Variants in RABGAP1L observed in about 807,000 individuals in gnomAD.
RABGAP1L encodes the protein rab GTPase-activating protein 1-like.
Under a neutral mutation model 137.7 loss-of-function variants are expected in RABGAP1L, and 63 were observed. The observed-to-expected ratio is 0.46, with a 90% CI of 0.37 to 0.56. RABGAP1L has a LOEUF of 0.56. Among genes scored for constraint, RABGAP1L ranks in the 20% least tolerant of loss-of-function variants. RABGAP1L has a pLI of 0.00. For synonymous variants in RABGAP1L, 431 were observed against 433.7 expected (o/e 0.99, Z 0.08); for missense variants, 1,095 against 1,244.0 (o/e 0.88, Z 1.80).
chr1:174,302,773 T>C (rs1462770190), intron 10 of RABGAP1L, among the ~76,000 whole-genome samples: 1 of 152,196 alleles, frequency 6.6e-6, no homozygotes, highest in Non-Finnish European at 1.5e-5. Flanking sequence ...CCTCCAAATA[T>C]CTTCTTTGCT....
intron 18 of RABGAP1L, among the ~76,000 whole-genome samples, chr1:174,765,923 C>A (rs190739311): frequency 6.6e-6 from 1 of 152,052 alleles, no homozygotes; most frequent in Non-Finnish European, 1.5e-5. Context: ...ATGGCTGAAT[C>A]GTGTTTCCCC....
intron 19 of RABGAP1L, 97 bp from the exon 20 acceptor site, chr1:174,957,360 T>A: frequency 1.1e-6 from 1 of 921,390 alleles, no homozygotes. Context: ...TTGAGCATGT[T>A]CCCTTAGAAT....
chr1:174,839,028 C>CGTGTGTGTGTGTGTGTGTGT (rs71726767), intron 19 of RABGAP1L, among the ~76,000 whole-genome samples: 9 of 130,104 alleles, frequency 6.9e-5, no homozygotes, highest in African/African-American at 1.7e-4. Context: ...AACTTTTTTA[C>CGTGTGTGTGTGTGTGTGTGT]GTGTGTGTGT....
At chr1:174,279,651 A>G (rs35283729) in intron 10 of RABGAP1L, among the ~76,000 whole-genome samples, 9,326 of 152,210 alleles carry the variant, frequency 0.061, 404 homozygotes, top group Admixed American at 0.094. Flanking sequence ...TTTTAAAAAA[A>G]TCTTTCATAA....
intron 13 of RABGAP1L, among the ~76,000 whole-genome samples, chr1:174,558,676 C>T (rs1477100494): frequency 6.6e-6 from 1 of 152,184 alleles, no homozygotes; most frequent in African/African-American, 2.4e-5. Flanking sequence ...CTGCTGCTTA[C>T]CCATAACATG....
At chr1:174,420,039 T>A (rs559191302) in intron 13 of RABGAP1L, among the ~76,000 whole-genome samples, 1 of 152,326 alleles carries the variant, frequency 6.6e-6, no homozygotes, top group South Asian at 2.1e-4. Context: ...TAATACATTT[T>A]ACTTCCCAGG....
At chr1:174,689,625 T>C (rs899776815) in intron 15 of RABGAP1L, among the ~76,000 whole-genome samples, 10 of 152,150 alleles carry the variant, frequency 6.6e-5, no homozygotes, top group African/African-American at 2.2e-4. Context: ...AGGGACTATT[T>C]TTTGCTACCT....
At position 174,368,552 on chromosome 1, in the gene RABGAP1L, G is replaced by A. The variant is rs540197234; in HGVS notation, c.1466-2427G>A. On this transcript the variant is annotated intron_variant, in intron 11 of 25. Transcript: ENST00000681986. ...TGCATTTAAAAGATTCATGAAATGG[G>A]GTTTTCTATAACATTTTTATTTTAG... Among the ~76,000 whole-genome samples, 7 of 152,110 alleles carry A rather than the reference G, an allele frequency of 4.6e-5. No homozygotes were observed. In the South Asian group the frequency reaches 1.5e-3, roughly 32 times the overall value.
At chr1:174,910,849 C>T (rs1475008427) in intron 19 of RABGAP1L, among the ~76,000 whole-genome samples, 1 of 152,156 alleles carries the variant, frequency 6.6e-6, no homozygotes, top group Non-Finnish European at 1.5e-5. Flanking sequence ...AATCATAATT[C>T]TATATTTAAC....
intron 11 of RABGAP1L, among the ~76,000 whole-genome samples, chr1:174,320,438 G>A (rs1167007344): frequency 2.0e-5 from 3 of 152,102 alleles, no homozygotes; most frequent in Non-Finnish European, 4.4e-5. Flanking sequence ...TTGCTGAGTA[G>A]CAATCTGTTG....
In RABGAP1L at chr1:174,804,679, T is replaced by C. The variant is rs1689103128; in HGVS notation, c.2212-7153T>C. Among the ~76,000 whole-genome samples, 3 of 152,200 alleles carry C rather than the reference T, an allele frequency of 2.0e-5. No individual in the cohort carries two copies. In the South Asian group the frequency reaches 6.2e-4, roughly 31 times the overall value. Reference sequence around the variant, plus strand: ...GTTATCAGATCATTTTATGTTAAAATTAGTGTTATCTGGAGTTTGAATACA... The same window carrying C: ...GTTATCAGATCATTTTATGTTAAAACTAGTGTTATCTGGAGTTTGAATACA... On this transcript the variant is annotated intron_variant, in intron 18 of 25. Transcript: ENST00000681986.
At chr1:174,516,184 C>T (rs1461050558) in intron 13 of RABGAP1L, among the ~76,000 whole-genome samples, 5 of 149,088 alleles carry the variant, frequency 3.4e-5, no homozygotes, top group Non-Finnish European at 7.4e-5. Flanking sequence ...GATAGGGTCT[C>T]GCTCTGTCAC....
In RABGAP1L at chr1:174,338,607, G is replaced by T. The variant is rs1571287575; in HGVS notation, c.1466-32372G>T. Among the ~76,000 whole-genome samples the T allele has an allele frequency of 2.0e-5, 3 of 151,484 alleles. No homozygotes were observed. In the East Asian group the frequency reaches 5.8e-4, roughly 29 times the overall value. Reference sequence around the variant, plus strand: ...TTGAAATTTGATTTTAACCTATTTAGTGTATGTGGGAATGATTTCTATTAT... The same window carrying T: ...TTGAAATTTGATTTTAACCTATTTATTGTATGTGGGAATGATTTCTATTAT... On this transcript the variant is annotated intron_variant, in intron 11 of 25. Coordinates refer to ENST00000681986, the MANE Select transcript of RABGAP1L (RefSeq NM_001366446.1).
intron 13 of RABGAP1L, among the ~76,000 whole-genome samples, chr1:174,482,539 G>C (rs1659214061): frequency 6.6e-6 from 1 of 152,120 alleles, no homozygotes; most frequent in Non-Finnish European, 1.5e-5. Context: ...TGCCCAGACT[G>C]GAGTGCAGTG....
chr1:174,868,976 C>T (rs1041859144), intron 19 of RABGAP1L, among the ~76,000 whole-genome samples: 5 of 151,810 alleles, frequency 3.3e-5, no homozygotes, highest in Non-Finnish European at 4.4e-5. Flanking sequence ...TTCATCTCTC[C>T]TGGACAAGGA....
At chr1:174,790,296 T>C (rs1687752547) in intron 18 of RABGAP1L, among the ~76,000 whole-genome samples, 1 of 152,110 alleles carries the variant, frequency 6.6e-6, no homozygotes, top group Non-Finnish European at 1.5e-5. Context: ...ATACAAATTT[T>C]TTACTGCCCT....
At chr1:174,383,222 A>C (rs1156514240) in intron 12 of RABGAP1L, among the ~76,000 whole-genome samples, 1 of 151,210 alleles carries the variant, frequency 6.6e-6, no homozygotes, top group Non-Finnish European at 1.5e-5. Context: ...TTAAGTCTGC[A>C]GAGGTTACTG....
At chr1:174,878,331 A>G (rs1653494867) in intron 19 of RABGAP1L, among the ~76,000 whole-genome samples, 1 of 151,844 alleles carries the variant, frequency 6.6e-6, no homozygotes, top group African/African-American at 2.4e-5. Flanking sequence ...GGTTCAAGCA[A>G]CTCTCCTGTC....
rs568216921 is a variant in RABGAP1L at position 174,403,069 on chromosome 1, T to C, written c.1710+8924T>C. On this transcript the variant is annotated intron_variant, in intron 13 of 25. Transcript: ENST00000681986. ...TATGTAACGTGTGTACTGTATACTT[T>C]GTTAAAATCAAAAGATGCTTTTAAT... 3.9e-5 allele frequency among the ~76,000 whole-genome samples: 6 copies of C among 152,292 alleles called. No homozygotes were observed. The South Asian group carries it at 1.2e-3, about 32-fold the overall frequency.
Sources: gnomAD v4.1 joint callset for allele counts (sites outside exome capture counted in the v4.1 genomes callset) on GRCh38, gnomAD v4.1.1 for gene constraint, MANE v1.5 for transcripts, NCBI Gene and HGNC (gene_info 2026-07-23, HGNC 2026-07-21) for gene names.